The following ASPSCR1 variants were observed in gnomAD, a reference collection of about 807,000 sequenced individuals.
ASPSCR1 encodes the protein tether containing UBX domain for GLUT4.
In ASPSCR1, 55 loss-of-function variants were observed where a neutral mutation model predicts 68.9. The ratio of observed to expected loss-of-function variants is 0.80; its 90% confidence interval spans 0.64 to 1.00. ASPSCR1 has a LOEUF of 1.00. Ranked by LOEUF, ASPSCR1 falls within the 50% of genes least tolerant of loss-of-function variation. The pLI is 0.00. For synonymous variants in ASPSCR1, 352 were observed against 332.6 expected (o/e 1.06, Z -0.63); for missense variants, 765 against 762.2 (o/e 1.00, Z -0.04).
In ASPSCR1 at chr17:81,990,097, C is replaced by T. The variant is rs535663084; in HGVS notation, c.374+4490C>T. On this transcript the variant is annotated intron_variant, in intron 4 of 15. Coordinates refer to ENST00000306739, the MANE Select transcript of ASPSCR1 (RefSeq NM_024083.4). This position sits in a 1 kb window ranked among gnomAD's most constrained non-coding sequence, Gnocchi z 4.1. ...GCCAATCACTCACTTTTTCTTGTAA[C>T]CGCATTAAAGAAGAAATAAAAACAG... 5.3e-5 allele frequency among the ~76,000 whole-genome samples: 8 copies of T among 152,312 alleles called. No individual in the cohort carries two copies. The highest frequency in any genetic ancestry group is 5.9e-5 in the Non-Finnish European group (4 of 68,030).
At chr17:81,998,385 A>G (rs1287287051) in intron 7 of ASPSCR1, among the ~76,000 whole-genome samples, 1 of 152,088 alleles carries the variant, frequency 6.6e-6, no homozygotes, top group Non-Finnish European at 1.5e-5. Context: ...GCCTCTGCAG[A>G]CCTTTCCCTT....
At chr17:81,980,938 G>A (rs2041775908) in intron 2 of ASPSCR1, among the ~76,000 whole-genome samples, 1 of 152,194 alleles carries the variant, frequency 6.6e-6, no homozygotes, top group Non-Finnish European at 1.5e-5. Context: ...GCCCGAGGCG[G>A]AGGATTGCCT....
intron 1 of ASPSCR1, chr17:81,978,393 G>C (rs1276030876): frequency 1.3e-5 from 2 of 152,212 alleles, no homozygotes; most frequent in Non-Finnish European, 2.9e-5. Flanking sequence ...GGGCGTGGTG[G>C]CGGGCGCCTG....
At position 81,996,818 on chromosome 17, in the gene ASPSCR1, A is replaced by T. The variant is rs769534334; in HGVS notation, c.905A>T (p.Asp302Val). ...GAGCAGGAGCAGGAGCGGGAGCGGG[A>T]TCCCCAGCAGGAGCAGGAGCGGGAG... ...QQEQEQERER[D>V]PQQEQERERP... The change falls in exon 7 of 16, where the codon GAT (aspartate) becomes GTT (valine). Residue 302 changes from aspartate (D) to valine (V), a missense_variant. By Grantham distance (152) the Asp-to-Val change is radical. Transcript: ENST00000306739. 6.2e-7 allele frequency: 1 copy of T among 1,605,726 alleles called. No homozygotes were observed. Among genetic ancestry groups the T allele is most frequent in the Non-Finnish European group, 8.5e-7 (1 of 1,177,356 alleles).
rs1401743576 is a variant in ASPSCR1, at chr17:81,990,623, C to G, written c.375-4198C>G. Among the ~76,000 whole-genome samples, 1 of 152,018 alleles carries G rather than the reference C, an allele frequency of 6.6e-6. No homozygotes were observed. Among genetic ancestry groups the G allele is most frequent in the Non-Finnish European group, 1.5e-5 (1 of 68,014 alleles). Reference sequence around the variant, plus strand: ...CTCTGCCTGCCTGGTGGGCCTGTGTCTAGTTTGAGATCTTTATTACGGGGA... The same window carrying G: ...CTCTGCCTGCCTGGTGGGCCTGTGTGTAGTTTGAGATCTTTATTACGGGGA... On this transcript the variant is annotated intron_variant, in intron 4 of 15. Coordinates refer to ENST00000306739, the MANE Select transcript of ASPSCR1 (RefSeq NM_024083.4). The surrounding 1 kb of genome is among the most constrained non-coding windows in gnomAD (Gnocchi z 4.1).
Position 82,003,156 on chromosome 17 carries a change from CTT to C in ASPSCR1, c.934-5878_934-5877del, listed in dbSNP as rs1453535789. 3.3e-5 allele frequency among the ~76,000 whole-genome samples: 5 copies of C among 152,038 alleles called. No homozygotes were observed. In the South Asian group the frequency reaches 1.1e-3, roughly 32 times the overall value. On this transcript the variant is annotated intron_variant, in intron 7 of 15. Coordinates refer to ENST00000306739, the MANE Select transcript of ASPSCR1 (RefSeq NM_024083.4). ...AGCCACCGTGCCCAGCCTAAAATAA[CTT>C]TTCTTGGCTGGGTACAGTGGCTCGC...
rs1182654209 is a variant in ASPSCR1 at position 81,995,857 on chromosome 17, A to G, written c.433-135A>G. On this transcript the variant is annotated intron_variant, in intron 5 of 15. Coordinates refer to ENST00000306739, the MANE Select transcript of ASPSCR1 (RefSeq NM_024083.4). ...GAGGGTGTGGACCGGCAGGGGCCAG[A>G]TGTGGGGGGTGGGTAGGATGGAGGC... 1.1e-5 allele frequency: 9 copies of G among 821,676 alleles called. No homozygotes were observed. In the South Asian group the frequency reaches 1.2e-4, roughly 11 times the overall value. 50.9% of individuals were successfully genotyped at this position (821,676 alleles called of 1,614,324 possible).
chr17:82,003,853 C>CG (rs1443675154), intron 7 of ASPSCR1, among the ~76,000 whole-genome samples: 1 of 152,234 alleles, frequency 6.6e-6, no homozygotes, highest in Non-Finnish European at 1.5e-5. Context: ...CGAGGGTGGC[C>CG]GGGGCGCTGA....
intron 11 of ASPSCR1, 83 bp downstream of exon 11, chr17:82,011,688 G>T: frequency 6.9e-7 from 1 of 1,444,688 alleles, no homozygotes. Flanking sequence ...CCCAGCTGGG[G>T]CTCGTGGCAG....
intron 4 of ASPSCR1, among the ~76,000 whole-genome samples, chr17:81,993,412 A>G (rs886240852): frequency 6.6e-6 from 1 of 152,052 alleles, no homozygotes; most frequent in African/African-American, 2.4e-5. Flanking sequence ...ACGGGGTTTC[A>G]TTGTGTTAGC....
chr17:82,000,019 C>G (rs574482039), intron 7 of ASPSCR1, among the ~76,000 whole-genome samples: 1 of 152,252 alleles, frequency 6.6e-6, no homozygotes, highest in Non-Finnish European at 1.5e-5. Flanking sequence ...CATCCTCCCT[C>G]TGGGAACTCT....
chr17:81,996,193 C>T (rs993894044), intron 6 of ASPSCR1, 128 bp downstream of exon 6: 2 of 1,317,444 alleles, frequency 1.5e-6, no homozygotes, highest in African/African-American at 3.0e-5. Context: ...TGGAGAGCGC[C>T]TGGTGGCCTC....
intron 7 of ASPSCR1, among the ~76,000 whole-genome samples, chr17:82,002,848 G>A (rs761729576): frequency 1.9e-4 from 29 of 151,762 alleles, no homozygotes; most frequent in Non-Finnish European, 2.2e-4. Context: ...GTGAGCCACC[G>A]CGCCCGGCCT....
chr17:82,009,426 G>C (rs2042835634), intron 8 of ASPSCR1, 60 bp from the exon 9 acceptor site: 1 of 1,498,342 alleles, frequency 6.7e-7, no homozygotes, highest in African/African-American at 1.4e-5. Context: ...GGAGCCCGGG[G>C]CCTGTTGCCA....
At chr17:81,985,467 T>C in intron 3 of ASPSCR1, 40 bp from the exon 4 acceptor site, 1 of 1,590,888 alleles carries the variant, frequency 6.3e-7, no homozygotes, top group Non-Finnish European at 8.6e-7. Context: ...AATAGTTGCT[T>C]TTCTTCCTAA....
At chr17:82,010,557 C>T (rs1269503528) in intron 9 of ASPSCR1, among the ~76,000 whole-genome samples, 1 of 150,294 alleles carries the variant, frequency 6.7e-6, no homozygotes, top group Non-Finnish European at 1.5e-5. Context: ...AAAAAACCAG[C>T]ACATTTGAAC....
intron 6 of ASPSCR1, 36 bp downstream of exon 6, chr17:81,996,101 T>C: frequency 6.5e-7 from 1 of 1,550,218 alleles, no homozygotes; most frequent in Non-Finnish European, 8.7e-7. Flanking sequence ...GGAGTCTATT[T>C]AGCTAAAAAA....
At chr17:81,995,966 A>G in intron 5 of ASPSCR1, 26 bp from the exon 6 acceptor site, 1 of 1,603,666 alleles carries the variant, frequency 6.2e-7, no homozygotes, top group South Asian at 1.1e-5. Flanking sequence ...TGCAAGGCGC[A>G]CCTGTCCTGG....
chr17:81,991,564 C>T (rs1037353742), intron 4 of ASPSCR1, among the ~76,000 whole-genome samples: 1 of 152,046 alleles, frequency 6.6e-6, no homozygotes, highest in South Asian at 2.1e-4. Context: ...CATCCCTGCC[C>T]GTCCCTGTTC....
Sources: allele counts gnomAD v4.1 joint callset (sites outside exome capture counted in the v4.1 genomes callset), GRCh38; gene constraint gnomAD v4.1.1; non-coding constraint Gnocchi (gnomAD v3.1); transcripts MANE v1.5; gene names NCBI Gene and HGNC (gene_info 2026-07-23, HGNC 2026-07-21).